Variants in PAM observed in about 807,000 individuals in gnomAD.
PAM encodes the protein peptidyl-glycine alpha-amidating monooxygenase.
A neutral mutation model predicts 122.1 loss-of-function variants in PAM; 72 were observed. That is an observed-to-expected ratio of 0.59 (90% CI 0.49 to 0.72). The LOEUF is 0.72. Among genes scored for constraint, PAM ranks in the 30% least tolerant of loss-of-function variants. The pLI is 0.00. For missense variants in PAM, 1,106 were observed against 1,183.7 expected, an observed-to-expected ratio of 0.93 and a Z score of 0.96; for synonymous variants, 389 against 404.4, an observed-to-expected ratio of 0.96 and a Z score of 0.46.
intron 16 of PAM, among the ~76,000 whole-genome samples, chr5:102,990,956 C>T (rs1270020401): frequency 6.6e-6 from 1 of 152,158 alleles, no homozygotes; most frequent in Non-Finnish European, 1.5e-5. Context: ...TTGCTCTTTT[C>T]ATGAGCATCA....
intron 19 of PAM, among the ~76,000 whole-genome samples, 175 bp downstream of exon 19, chr5:103,007,186 T>C (rs3217312): frequency 7.0e-4 from 70 of 100,376 alleles, no homozygotes; most frequent in African/African-American, 2.9e-3. Context: ...CACACACACA[T>C]ATACATACAC....
At chr5:103,011,351 CACAT>C (rs904097805) in intron 21 of PAM, among the ~76,000 whole-genome samples, 11 of 150,026 alleles carry the variant, frequency 7.3e-5, no homozygotes, top group East Asian at 5.9e-4. Flanking sequence ...CCGCCACACA[CACAT>C]ACACACACAC....
chr5:102,782,725 C>CTGTGTGTG (rs35149404), intron 1 of PAM, among the ~76,000 whole-genome samples: 27 of 140,118 alleles, frequency 1.9e-4, no homozygotes, highest in African/African-American at 4.4e-4. Context: ...CTCTCTCTCT[C>CTGTGTGTG]TGTGTGTGTG....
At chr5:102,893,322 G>T (rs551982448) in intron 3 of PAM, among the ~76,000 whole-genome samples, 46 of 151,794 alleles carry the variant, frequency 3.0e-4, no homozygotes, top group African/African-American at 1.1e-3. Flanking sequence ...ATTTAGAAAG[G>T]TATTCCCCTA....
chr5:102,914,195 C>G (rs767605320), intron 5 of PAM, among the ~76,000 whole-genome samples, 174 bp downstream of exon 5: 1 of 152,010 alleles, frequency 6.6e-6, no homozygotes, highest in Admixed American at 6.6e-5. Flanking sequence ...GTTATTTAGT[C>G]TGCTATAGAG....
At chr5:102,922,630 C>G (rs1253568951) in intron 5 of PAM, among the ~76,000 whole-genome samples, 1 of 152,210 alleles carries the variant, frequency 6.6e-6, no homozygotes, top group Admixed American at 6.5e-5. Flanking sequence ...CCAGTTTTCT[C>G]TGTTATATTT....
intron 1 of PAM, among the ~76,000 whole-genome samples, chr5:102,813,857 C>T (rs926415481): frequency 6.6e-6 from 1 of 152,130 alleles, no homozygotes; most frequent in Admixed American, 6.5e-5. Flanking sequence ...AGCAGCAATA[C>T]CTTAAAGGGC....
intron 3 of PAM, among the ~76,000 whole-genome samples, chr5:102,878,998 C>T (rs952484078): frequency 7.9e-5 from 12 of 151,902 alleles, no homozygotes; most frequent in African/African-American, 2.4e-4. Context: ...GCAAGATCTA[C>T]GTTCACTGCA....
intron 3 of PAM, among the ~76,000 whole-genome samples, chr5:102,884,979 C>T (rs1792491573): frequency 6.6e-6 from 1 of 151,742 alleles, no homozygotes; most frequent in Admixed American, 6.6e-5. Context: ...ATGGCAACAT[C>T]GATTTACAAA....
At chr5:102,863,355 A>G (rs1366297098) in intron 1 of PAM, among the ~76,000 whole-genome samples, 1 of 152,118 alleles carries the variant, frequency 6.6e-6, no homozygotes, top group African/African-American at 2.4e-5. Context: ...TGGAAACTCT[A>G]ACTGTCCTCC....
chr5:102,995,369 T>C (rs1775380888), intron 16 of PAM, among the ~76,000 whole-genome samples: 1 of 152,174 alleles, frequency 6.6e-6, no homozygotes, highest in African/African-American at 2.4e-5. Context: ...GTTATATGAC[T>C]GTTCTTCCAT....
At chr5:102,847,966 T>C (rs1561618599) in intron 1 of PAM, among the ~76,000 whole-genome samples, 1 of 152,206 alleles carries the variant, frequency 6.6e-6, no homozygotes, top group Non-Finnish European at 1.5e-5. Context: ...AAAACACTGG[T>C]TTTTGAGGAT....
intron 1 of PAM, among the ~76,000 whole-genome samples, chr5:102,796,956 A>G (rs1233122335): frequency 6.6e-6 from 1 of 152,252 alleles, no homozygotes; most frequent in South Asian, 2.1e-4. Context: ...GGAACCTAAT[A>G]ATAGAATAAT....
intron 3 of PAM, among the ~76,000 whole-genome samples, chr5:102,890,159 T>C (rs1410235681): frequency 6.6e-6 from 1 of 152,006 alleles, no homozygotes; most frequent in East Asian, 1.9e-4. Flanking sequence ...TTCTTTTTCT[T>C]TTTTGTGCTG....
At chr5:102,939,694 A>G (rs921467816) in intron 7 of PAM, among the ~76,000 whole-genome samples, 1 of 152,144 alleles carries the variant, frequency 6.6e-6, no homozygotes, top group African/African-American at 2.4e-5. Context: ...TGAAAAATTA[A>G]TACTAAATCA....
chr5:102,846,819 T>A (rs1780071755), intron 1 of PAM, among the ~76,000 whole-genome samples: 1 of 152,200 alleles, frequency 6.6e-6, no homozygotes, highest in African/African-American at 2.4e-5. Context: ...TTCTGTCACT[T>A]TAGCTTGCTC....
intron 14 of PAM, among the ~76,000 whole-genome samples, chr5:102,972,301 A>G (rs1304533114): frequency 1.3e-5 from 2 of 152,050 alleles, no homozygotes; most frequent in Non-Finnish European, 2.9e-5. Flanking sequence ...ATTTTTTTTG[A>G]GATGAGGTCT....
chr5:102,834,118 G>A (rs1776235130), intron 1 of PAM, among the ~76,000 whole-genome samples: 1 of 152,042 alleles, frequency 6.6e-6, no homozygotes, highest in African/African-American at 2.4e-5. Flanking sequence ...GAACTTGCCT[G>A]AATTTAATGC....
intron 3 of PAM, among the ~76,000 whole-genome samples, chr5:102,890,803 A>T (rs951831429): frequency 1.3e-5 from 2 of 152,050 alleles, no homozygotes; most frequent in Admixed American, 6.6e-5. Context: ...TGTAGTATTT[A>T]TGTTTCTAAT....
Sources: allele counts gnomAD v4.1 joint callset (sites outside exome capture counted in the v4.1 genomes callset), GRCh38; gene constraint gnomAD v4.1.1; transcripts MANE v1.5; gene names NCBI Gene and HGNC (gene_info 2026-07-23, HGNC 2026-07-21).